The following SEL1L3 variants were observed in gnomAD, a reference collection of about 807,000 sequenced individuals.
SEL1L3 encodes protein sel-1 homolog 3.
A neutral mutation model predicts 142.8 loss-of-function variants in SEL1L3; 76 were observed. The observed-to-expected ratio is 0.53, with a 90% CI of 0.44 to 0.64. SEL1L3 has a LOEUF of 0.64. Among genes scored for constraint, SEL1L3 ranks in the 30% least tolerant of loss-of-function variants. The probability of loss-of-function intolerance (pLI) is 0.00; values close to 1 mark genes in which losing one functional copy is unlikely to be tolerated. For synonymous variants in SEL1L3, 504 were observed against 519.6 expected, an observed-to-expected ratio of 0.97 and a Z score of 0.41; for missense variants, 1,262 against 1,381.7, an observed-to-expected ratio of 0.91 and a Z score of 1.37.
intron 9 of SEL1L3, among the ~76,000 whole-genome samples, chr4:25,806,326 C>T (rs1395982572): frequency 6.6e-6 from 1 of 151,508 alleles, no homozygotes; most frequent in Non-Finnish European, 1.5e-5. Flanking sequence ...CTTGAGCCAC[C>T]GCGCCCGGCA....
In SEL1L3 at chr4:25,782,413, C is replaced by T; in HGVS notation, c.2286G>A (p.Leu762=). The change falls in exon 15 of 24, where the codon TTG becomes TTA. Residue 762 remains leucine, a synonymous_variant. Coordinates refer to ENST00000399878, the MANE Select transcript of SEL1L3 (RefSeq NM_015187.5). ...ATCCCAGGCCATTGACTGCCTGATG[C>T]AATCCCTGAATTTTGGAACAAGAAA... The part of the protein sequence containing the change: ...ELMKKAASKG[L]HQAVNGLGWY... 1.2e-6 allele frequency: 2 copies of T among 1,611,362 alleles called. No individual in the cohort carries two copies. Among genetic ancestry groups the T allele is most frequent in the African/African-American group, 2.7e-5 (2 of 74,804 alleles).
chr4:25,779,126 A>C lies in SEL1L3; in HGVS notation c.2535T>G (p.Tyr845Ter). 3 of 1,613,638 alleles carry C rather than the reference A, an allele frequency of 1.9e-6. No individual in the cohort carries two copies. Among genetic ancestry groups the C allele is most frequent in the Non-Finnish European group, 2.5e-6 (3 of 1,179,610 alleles). The change falls in exon 16 of 24, where the codon TAT (tyrosine) becomes TAG (stop). Residue 845 changes from tyrosine to a stop codon, truncating the protein, a stop_gained. Transcript: ENST00000399878. LOFTEE classifies it high-confidence loss of function. ...GGAATGTCTCCAGGTTGCCTGTGAT[A>C]TAGTAGAGAGAACACCACAAGGTCC... ...MEGTLWCSLY[Y>*]ITGNLETFPR...
At chr4:25,808,628 A>G (rs76946447) in intron 9 of SEL1L3, among the ~76,000 whole-genome samples, 2 of 152,178 alleles carry the variant, frequency 1.3e-5, no homozygotes, top group Non-Finnish European at 2.9e-5. Context: ...GGGGAAAAAA[A>G]GGAAAGGAGA....
At chr4:25,755,360 G>T (rs1717882934) in intron 23 of SEL1L3, among the ~76,000 whole-genome samples, 1 of 152,034 alleles carries the variant, frequency 6.6e-6, no homozygotes, top group Non-Finnish European at 1.5e-5. Context: ...TCCTGGGCCT[G>T]TCAAAATGTT....
Position 25,847,619 on chromosome 4 carries a change from T to C in SEL1L3, c.408A>G (p.Lys136=), listed in dbSNP as rs1274241155. Residue 136 remains lysine, a synonymous_variant, in exon 2 of 24, where the codon AAA becomes AAG. Transcript: ENST00000399878. ...TTTGTGTCCTGCTGGTGTGAAGATG[T>C]TTCTCATTCTTCCACCTTTTTTTGT... is the stretch of plus-strand genomic sequence containing the variant. The part of the protein sequence containing the change: ...PVYKKRWKNE[K]HLHTSRTQIV... 11 of 1,613,978 alleles carry C rather than the reference T, an allele frequency of 6.8e-6. No individual in the cohort carries two copies. Among genetic ancestry groups the C allele is most frequent in the South Asian group, 1.1e-5 (1 of 91,082 alleles).
In SEL1L3 at chr4:25,782,544, C is replaced by A. The variant is rs767122859; in HGVS notation, c.2281-126G>T. ...ACCTTCCCTTTCTCTTATTTTGGAGCAGATGGCATTAAAGAAAAGCTAAGT... is the reference window on the plus strand; with the variant it reads ...ACCTTCCCTTTCTCTTATTTTGGAGAAGATGGCATTAAAGAAAAGCTAAGT... On this transcript the variant is annotated intron_variant, in intron 14 of 23. Coordinates refer to ENST00000399878, the MANE Select transcript of SEL1L3 (RefSeq NM_015187.5). The A allele has an allele frequency of 1.9e-5, 15 of 808,004 alleles. No homozygotes were observed. The South Asian group carries it at 2.7e-4, about 14-fold the overall frequency. 50.1% of individuals were successfully genotyped at this position (808,004 alleles called of 1,614,324 possible).
At chr4:25,828,978 TA>T (rs1318823367) in intron 6 of SEL1L3, among the ~76,000 whole-genome samples, 1 of 152,186 alleles carries the variant, frequency 6.6e-6, no homozygotes, top group Non-Finnish European at 1.5e-5. Context: ...TCTTTACACT[TA>T]TTTTTTTATT....
At chr4:25,765,144 A>G (rs775852276) in intron 20 of SEL1L3, among the ~76,000 whole-genome samples, 182 bp downstream of exon 20, 4 of 151,980 alleles carry the variant, frequency 2.6e-5, no homozygotes, top group Admixed American at 2.0e-4. Context: ...ACAGGCGAGC[A>G]CCACCACACC....
At chr4:25,760,708 A>G (rs1453595204) in intron 20 of SEL1L3, among the ~76,000 whole-genome samples, 1 of 152,136 alleles carries the variant, frequency 6.6e-6, no homozygotes, top group African/African-American at 2.4e-5. Flanking sequence ...CTAAATGAAA[A>G]TCATCATTTA....
intron 19 of SEL1L3, among the ~76,000 whole-genome samples, chr4:25,765,774 G>T (rs1032344472): frequency 6.6e-6 from 1 of 152,036 alleles, no homozygotes; most frequent in African/African-American, 2.4e-5. Flanking sequence ...ATGTAGCTGG[G>T]ATTACAGGAG....
At chr4:25,817,827 A>G (rs920199658) in intron 9 of SEL1L3, among the ~76,000 whole-genome samples, 1 of 152,078 alleles carries the variant, frequency 6.6e-6, no homozygotes, top group Non-Finnish European at 1.5e-5. Flanking sequence ...CATATACAAC[A>G]AGGTATTTTC....
At chr4:25,774,724 G>C (rs1472243882) in intron 17 of SEL1L3, among the ~76,000 whole-genome samples, 1 of 152,186 alleles carries the variant, frequency 6.6e-6, no homozygotes, top group Non-Finnish European at 1.5e-5. Flanking sequence ...TGGGCGTGGT[G>C]GTGGGCACCT....
rs961028192 is a variant in SEL1L3 at position 25,795,194 on chromosome 4, C to T, written c.1957-4620G>A. Among the ~76,000 whole-genome samples, 3 of 152,058 alleles carry T rather than the reference C, an allele frequency of 2.0e-5. No homozygotes were observed. In the East Asian group the frequency reaches 5.8e-4, roughly 29 times the overall value. ...ACAACCTTCACGTCCTGCACCTGTA[C>T]CCCGGAACATAAAATATAATATTTC... On this transcript the variant is annotated intron_variant, in intron 11 of 23. Transcript: ENST00000399878.
In SEL1L3 at chr4:25,767,739, C is replaced by A. The variant is rs1284360615; in HGVS notation, c.2760+1G>T. The A allele has an allele frequency of 2.6e-5, 40 of 1,560,748 alleles. No homozygotes were observed. The highest frequency in any genetic ancestry group is 3.3e-5 in the Non-Finnish European group (38 of 1,144,938). ...ACTCTGAGAAGAATACATTTACTTA[C>A]TGGCCTCTCCTCACAGATGTGTGCT... is the stretch of plus-strand genomic sequence containing the variant. On this transcript the variant is annotated splice_donor_variant, in intron 18 of 23. Transcript: ENST00000399878. LOFTEE classifies it high-confidence loss of function.
intron 17 of SEL1L3, among the ~76,000 whole-genome samples, chr4:25,775,554 C>A (rs1452602046): frequency 2.0e-5 from 3 of 151,894 alleles, no homozygotes; most frequent in Non-Finnish European, 4.4e-5. Context: ...GAAAATGTGA[C>A]CCAAGTTAAA....
intron 16 of SEL1L3, 76 bp downstream of exon 16, chr4:25,779,000 A>C (rs894387798): frequency 1.5e-6 from 2 of 1,360,008 alleles, no homozygotes; most frequent in Non-Finnish European, 2.0e-6. Context: ...TAAAGAACTC[A>C]ACTTAAAAAA....
chr4:25,779,681 G>T (rs1248483273), intron 15 of SEL1L3, among the ~76,000 whole-genome samples: 1 of 152,146 alleles, frequency 6.6e-6, no homozygotes, highest in East Asian at 1.9e-4. Context: ...GCACACATTT[G>T]CTATGCATAA....
rs769466810 is a variant in SEL1L3 at position 25,759,089 on chromosome 4, A to G, written c.2956-21T>C. 8.7e-6 allele frequency: 14 copies of G among 1,610,708 alleles called. No homozygotes were observed. The African/African-American group carries it at 1.7e-4, about 20-fold the overall frequency. On this transcript the variant is annotated intron_variant, in intron 20 of 23. Transcript: ENST00000399878. Reference sequence around the variant, plus strand: ...AATCCCTAAAAACAAGCCACAAACCAAACTCATCAAATCCTTGAAATAAAA... The same window carrying G: ...AATCCCTAAAAACAAGCCACAAACCGAACTCATCAAATCCTTGAAATAAAA...
chr4:25,852,604 C>T (rs1716980157), intron 1 of SEL1L3, among the ~76,000 whole-genome samples: 1 of 152,196 alleles, frequency 6.6e-6, no homozygotes, highest in Non-Finnish European at 1.5e-5. Flanking sequence ...CAAAGCAATG[C>T]CCCGAATGTT....
Sources: gnomAD v4.1 joint callset for allele counts (sites outside exome capture counted in the v4.1 genomes callset) on GRCh38, gnomAD v4.1.1 for gene constraint, MANE v1.5 for transcripts, NCBI Gene and HGNC (gene_info 2026-07-23, HGNC 2026-07-21) for gene names.